ASTN2: variants seen among roughly 807,000 people sequenced by gnomAD.
The protein encoded by ASTN2 is astrotactin 2.
ASTN2 carries 54 observed loss-of-function variants against 139.8 expected under a neutral mutation model. The observed-to-expected ratio is 0.39, with a 90% CI of 0.31 to 0.48. The LOEUF (loss-of-function observed/expected upper bound fraction) is 0.48. Ranked by LOEUF, ASTN2 falls within the 20% of genes least tolerant of loss-of-function variation. The pLI is 0.95. For missense variants in ASTN2, 1,565 were observed against 1,725.1 expected (o/e 0.91, Z 1.64); for synonymous variants, 756 against 719.5 (o/e 1.05, Z -0.81).
intron 7 of ASTN2, among the ~76,000 whole-genome samples, chr9:116,993,876 A>ATATATATATTTTTTTTTT (rs1030120382): frequency 1.4e-5 from 2 of 142,058 alleles, no homozygotes; most frequent in Non-Finnish European, 3.0e-5. Context: ...ATATATATAT[A>ATATATATATTTTTTTTTT]TTTTAACTAT....
intron 5 of ASTN2, among the ~76,000 whole-genome samples, chr9:117,050,389 A>C (rs1054187405): frequency 1.3e-5 from 2 of 152,134 alleles, no homozygotes; most frequent in African/African-American, 4.8e-5. Context: ...TTGTGTATTT[A>C]GTATTTACTA....
chr9:116,470,015 A>C (rs1054182018), intron 20 of ASTN2, among the ~76,000 whole-genome samples: 6 of 151,506 alleles, frequency 4.0e-5, no homozygotes, highest in Non-Finnish European at 7.4e-5. Flanking sequence ...GACCAGCCTG[A>C]CCAACATGGC....
intron 2 of ASTN2, among the ~76,000 whole-genome samples, chr9:117,228,264 G>C (rs2133050987): frequency 6.6e-6 from 1 of 152,216 alleles, no homozygotes; most frequent in Middle Eastern, 3.4e-3. Flanking sequence ...GGTAACTCAA[G>C]CAGAGTAACT....
chr9:117,386,796 C>T (rs1002163153), intron 1 of ASTN2, among the ~76,000 whole-genome samples: 1 of 152,142 alleles, frequency 6.6e-6, no homozygotes, highest in South Asian at 2.1e-4. Flanking sequence ...TGCTGCAGCA[C>T]CCTCCTTGGC....
chr9:117,104,488 A>C (rs1202178734), intron 4 of ASTN2, among the ~76,000 whole-genome samples: 2 of 150,806 alleles, frequency 1.3e-5, no homozygotes, highest in East Asian at 4.1e-4. Context: ...AAAAATAAAG[A>C]AGAAAAAAGT....
chr9:116,725,998 C>A (rs200747057), intron 15 of ASTN2, 48 bp from the exon 16 acceptor site: 2 of 1,551,560 alleles, frequency 1.3e-6, no homozygotes, highest in South Asian at 1.2e-5. Context: ...GAGAGGCTGG[C>A]GGCTAGCAAA....
chr9:117,335,201 T>C (rs11998895), intron 1 of ASTN2, among the ~76,000 whole-genome samples: 1,537 of 152,344 alleles, frequency 0.01, 29 homozygotes, highest in African/African-American at 0.035. Context: ...ATGTTTATTG[T>C]CAGTTTTTCT....
chr9:117,034,307 T>A (rs1419657185), intron 6 of ASTN2, among the ~76,000 whole-genome samples: 1 of 152,180 alleles, frequency 6.6e-6, no homozygotes, highest in South Asian at 2.1e-4. Flanking sequence ...TAACTATTTC[T>A]CAATGAGGCT....
rs532778916 is a variant in ASTN2 at position 116,924,564 on chromosome 9, G to A, written c.1889+50644C>T. 1.1e-3 allele frequency among the ~76,000 whole-genome samples: 168 copies of A among 152,118 alleles called. 1 individual carries two copies. Among genetic ancestry groups the A allele is most frequent in the African/African-American group, 3.8e-3 (159 of 41,494 alleles). On this transcript the variant is annotated intron_variant, in intron 10 of 22. Coordinates refer to ENST00000313400, the MANE Select transcript of ASTN2 (RefSeq NM_001365068.1). ...AGGGTAGGTTATTCATGAATTTTCC[G>A]GGAAAGGGGCAGGCAATTCCTGGAA...
rs533623552 is a variant in ASTN2 at position 116,771,640 on chromosome 9, T to C, written c.2396+33992A>G. Among the ~76,000 whole-genome samples, 5 of 152,306 alleles carry C rather than the reference T, an allele frequency of 3.3e-5. No individual in the cohort carries two copies. In the South Asian group the frequency reaches 1.0e-3, roughly 32 times the overall value. On this transcript the variant is annotated intron_variant, in intron 13 of 22. Coordinates refer to ENST00000313400, the MANE Select transcript of ASTN2 (RefSeq NM_001365068.1). The stretch of plus-strand genomic sequence containing the variant: ...GTGTACTGTCTTTGGGATCACATTA[T>C]CTGAAATTACCTACTTAATTTCCAT...
Position 116,725,888 on chromosome 9 carries a change from T to C in ASTN2, c.2689A>G (p.Ile897Val). Reference protein sequence around the residue: ...ESSREELLSFIQHYGSHYIAE... With the variant: ...ESSREELLSFVQHYGSHYIAE... ...ATGTAGTGGGAGCCATAGTGCTGGA[T>C]GAAGGACAGCAGCTCCTCCCGACTG... Residue 897 changes from isoleucine to valine, a missense_variant, in exon 16 of 23, where the codon ATC (isoleucine) becomes GTC (valine). Around this residue, in one of 4 missense-constraint regions of ASTN2, gnomAD observed 48 missense variants for 90.7 expected, o/e 0.53. Transcript: ENST00000313400. 1.2e-6 allele frequency: 2 copies of C among 1,614,042 alleles called. No individual in the cohort carries two copies. Among genetic ancestry groups the C allele is most frequent in the Non-Finnish European group, 1.7e-6 (2 of 1,180,014 alleles).
At chr9:116,747,640 T>C (rs1829280375) in intron 13 of ASTN2, among the ~76,000 whole-genome samples, 1 of 151,840 alleles carries the variant, frequency 6.6e-6, no homozygotes, top group Admixed American at 6.6e-5. Flanking sequence ...ATAGTCACAC[T>C]TGTCTTCTTC....
At chr9:116,816,573 A>G (rs1218981878) in intron 12 of ASTN2, among the ~76,000 whole-genome samples, 1 of 152,140 alleles carries the variant, frequency 6.6e-6, no homozygotes, top group East Asian at 1.9e-4. Context: ...ATGGTTCTAA[A>G]TAAGTCTTTG....
At chr9:116,684,320 T>C (rs903759802) in intron 16 of ASTN2, among the ~76,000 whole-genome samples, 1 of 152,172 alleles carries the variant, frequency 6.6e-6, no homozygotes, top group Non-Finnish European at 1.5e-5. Context: ...AACAAATCAG[T>C]TCTATCATGA....
chr9:116,919,235 T>C (rs548519431), intron 10 of ASTN2, among the ~76,000 whole-genome samples: 2 of 152,300 alleles, frequency 1.3e-5, no homozygotes, highest in East Asian at 1.9e-4. Context: ...AGAAGTTTGA[T>C]GTGGTAGGGA....
chr9:117,134,275 T>C (rs1829891703), intron 4 of ASTN2, among the ~76,000 whole-genome samples: 1 of 39,938 alleles, frequency 2.5e-5, no homozygotes, highest in African/African-American at 6.3e-5. Context: ...ATTATATATA[T>C]ATATATATAT....
At chr9:116,988,177 A>G (rs1470317299) in intron 7 of ASTN2, among the ~76,000 whole-genome samples, 1 of 152,250 alleles carries the variant, frequency 6.6e-6, no homozygotes, top group Non-Finnish European at 1.5e-5. Flanking sequence ...GACAAATTTA[A>G]AAGTAGAGAA....
chr9:117,208,562 A>G (rs1180177340), intron 3 of ASTN2, among the ~76,000 whole-genome samples: 1 of 152,188 alleles, frequency 6.6e-6, no homozygotes, highest in Non-Finnish European at 1.5e-5. Context: ...TGAAAAGGTG[A>G]TGAAAATATA....
chr9:116,955,352 G>A (rs187680842), intron 10 of ASTN2, among the ~76,000 whole-genome samples: 2 of 152,310 alleles, frequency 1.3e-5, no homozygotes, highest in East Asian at 3.9e-4. Flanking sequence ...GTCCCAGATG[G>A]ACTGGTATGA....
Sources: allele counts gnomAD v4.1 joint callset (sites outside exome capture counted in the v4.1 genomes callset), GRCh38; gene constraint gnomAD v4.1.1; regional missense constraint gnomAD v4.1.1; transcripts MANE v1.5; gene names NCBI Gene and HGNC (gene_info 2026-07-23, HGNC 2026-07-21).